The following NKAIN3 variants were observed in gnomAD, a reference collection of about 807,000 sequenced individuals.
NKAIN3 encodes the protein sodium/potassium transporting ATPase interacting 3.
In NKAIN3, 25 loss-of-function variants were observed where a neutral mutation model predicts 30.2. The ratio of observed to expected loss-of-function variants is 0.83; its 90% CI spans 0.60 to 1.16. The LOEUF is 1.16. Among genes scored for constraint, NKAIN3 ranks in the 50% most tolerant of loss-of-function variants. The pLI is 0.00. For missense variants in NKAIN3, 225 were observed against 254.1 expected (o/e 0.89, Z 0.78); for synonymous variants, 91 against 89.6 (o/e 1.02, Z -0.09).
chr8:62,612,322 T>C (rs1811320275), intron 3 of NKAIN3, among the ~76,000 whole-genome samples: 1 of 151,968 alleles, frequency 6.6e-6, no homozygotes, highest in Non-Finnish European at 1.5e-5. Context: ...TATTTAAAAT[T>C]GTTATATCCT....
intron 3 of NKAIN3, among the ~76,000 whole-genome samples, chr8:62,660,231 A>G (rs1291358923): frequency 2.0e-5 from 3 of 152,186 alleles, no homozygotes; most frequent in Non-Finnish European, 4.4e-5. Context: ...TGACCTTGGC[A>G]AACTACTTTC....
intron 4 of NKAIN3, among the ~76,000 whole-genome samples, chr8:62,836,430 G>A (rs1285337643): frequency 6.6e-6 from 1 of 151,848 alleles, no homozygotes; most frequent in African/African-American, 2.4e-5. Flanking sequence ...GATTTTGTAT[G>A]GTGTCCTGTG....
intron 1 of NKAIN3, among the ~76,000 whole-genome samples, chr8:62,433,966 T>G (rs1025104388): frequency 6.6e-6 from 1 of 152,080 alleles, no homozygotes; most frequent in Non-Finnish European, 1.5e-5. Flanking sequence ...TTATTAAGCA[T>G]TCACTAAGAG....
At chr8:62,794,649 C>T (rs1817803777) in intron 4 of NKAIN3, among the ~76,000 whole-genome samples, 1 of 152,164 alleles carries the variant, frequency 6.6e-6, no homozygotes, top group Non-Finnish European at 1.5e-5. Flanking sequence ...CTTTCCTCTC[C>T]ATCTCCTACA....
At chr8:62,745,451 T>C (rs912735373) in intron 3 of NKAIN3, among the ~76,000 whole-genome samples, 2 of 152,196 alleles carry the variant, frequency 1.3e-5, no homozygotes, top group African/African-American at 4.8e-5. Flanking sequence ...CAGAGCAGTG[T>C]CCTTGCCCGG....
rs1036267453 is a variant in NKAIN3 at position 62,970,362 on chromosome 8, C to A, written c.*4955C>A. ...TTTTTCATCTGAAAAAGCTTAGTTT[C>A]TTATTGAAGACTAAAAAGAAAAATG... On this transcript the variant is annotated 3_prime_UTR_variant, in exon 7 of 7. Coordinates refer to ENST00000623646, the MANE Select transcript of NKAIN3 (RefSeq NM_001304533.3). 1.3e-5 allele frequency among the ~76,000 whole-genome samples: 2 copies of A among 152,028 alleles called. No homozygotes were observed. Among genetic ancestry groups the A allele is most frequent in the African/African-American group, 4.8e-5 (2 of 41,408 alleles).
At chr8:62,508,127 G>A (rs886830939) in intron 1 of NKAIN3, among the ~76,000 whole-genome samples, 1 of 152,050 alleles carries the variant, frequency 6.6e-6, no homozygotes, top group African/African-American at 2.4e-5. Context: ...TTTGTGTGCC[G>A]GGCTGTGGAG....
At chr8:62,428,152 G>A (rs938637304) in intron 1 of NKAIN3, among the ~76,000 whole-genome samples, 1 of 151,796 alleles carries the variant, frequency 6.6e-6, no homozygotes, top group African/African-American at 2.4e-5. Context: ...TTTCATCCAT[G>A]TTGCTGCAAA....
At chr8:62,448,067 A>G (rs1381149465) in intron 1 of NKAIN3, among the ~76,000 whole-genome samples, 1 of 151,944 alleles carries the variant, frequency 6.6e-6, no homozygotes, top group African/African-American at 2.4e-5. Flanking sequence ...GTAGCCATTC[A>G]GTTAATAATT....
intron 1 of NKAIN3, among the ~76,000 whole-genome samples, chr8:62,577,100 G>T (rs1404117592): frequency 3.3e-5 from 5 of 152,008 alleles, no homozygotes; most frequent in Non-Finnish European, 7.4e-5. Context: ...CTCAAATCTA[G>T]TTTTCACAGT....
intron 4 of NKAIN3, among the ~76,000 whole-genome samples, chr8:62,849,661 G>T (rs2130771757): frequency 8.0e-6 from 1 of 124,662 alleles, no homozygotes. Flanking sequence ...GTGTCCATGT[G>T]TTCTCATTGT....
intron 4 of NKAIN3, among the ~76,000 whole-genome samples, chr8:62,840,293 T>C (rs769311003): frequency 6.6e-6 from 1 of 151,906 alleles, no homozygotes; most frequent in Non-Finnish European, 1.5e-5. Flanking sequence ...ACAATGCATA[T>C]ACCATTGTTC....
In NKAIN3 at chr8:62,521,844, G is replaced by T. The variant is rs114824961; in HGVS notation, c.55-57695G>T. 6.7e-3 allele frequency among the ~76,000 whole-genome samples: 1,020 copies of T among 152,252 alleles called. 12 individuals are homozygous for T. The highest frequency in any genetic ancestry group is 0.023 in the African/African-American group (964 of 41,552). On this transcript the variant is annotated intron_variant, in intron 1 of 6. Coordinates refer to ENST00000623646, the MANE Select transcript of NKAIN3 (RefSeq NM_001304533.3). ...TATCTTTTTTCCTGGATAAGATTTA[G>T]TTAAGTTTCCCCCTAAATTGTTTTA...
In NKAIN3 at chr8:62,506,476, C is replaced by CTTTTTTTTT. The variant is rs71255341; in HGVS notation, c.55-73055_55-73047dup. On this transcript the variant is annotated intron_variant, in intron 1 of 6. Coordinates refer to ENST00000623646, the MANE Select transcript of NKAIN3 (RefSeq NM_001304533.3). Reference sequence around the variant, plus strand: ...TCTGCTTTTTCTTTTTTCTTTCTTTCTTTTTTTTTTTTTTTTGAGACAGAG... The same window carrying CTTTTTTTTT: ...TCTGCTTTTTCTTTTTTCTTTCTTTCTTTTTTTTTTTTTTTTTTTTTTTTTGAGACAGAG... Among the ~76,000 whole-genome samples the CTTTTTTTTT allele has an allele frequency of 1.6e-3, 153 of 98,446 alleles. 4 individuals are homozygous for CTTTTTTTTT. Among genetic ancestry groups the CTTTTTTTTT allele is most frequent in the African/African-American group, 4.1e-3 (100 of 24,268 alleles). 64.6% of individuals were successfully genotyped at this position (98,446 alleles called of 152,430 possible). A position where few individuals can be genotyped will look rare whatever the true frequency, so the allele number is the denominator to read the frequency against.
At chr8:62,451,258 TCTC>T (rs1805631995) in intron 1 of NKAIN3, among the ~76,000 whole-genome samples, 4 of 151,284 alleles carry the variant, frequency 2.6e-5, no homozygotes, top group South Asian at 4.2e-4. Context: ...TCTCTTCTCT[TCTC>T]CTCTTCTCTT....
At chr8:62,363,986 G>A (rs1039656561) in intron 1 of NKAIN3, among the ~76,000 whole-genome samples, 4 of 152,220 alleles carry the variant, frequency 2.6e-5, no homozygotes, top group African/African-American at 7.2e-5. Context: ...GAAGGATGCA[G>A]TGTGCCATGC....
Position 62,918,770 on chromosome 8 carries a change from T to C in NKAIN3, c.532+257T>C, listed in dbSNP as rs1424881482. ...ACAAGGACTGCTGTCATATCATATA[T>C]TAGCAACTTTTCATCAGACACCTAA... On this transcript the variant is annotated intron_variant, in intron 5 of 6. Transcript: ENST00000623646. Among the ~76,000 whole-genome samples the C allele has an allele frequency of 2.6e-5, 4 of 152,140 alleles. No individual in the cohort carries two copies. The East Asian group carries it at 7.7e-4, about 29-fold the overall frequency.
intron 1 of NKAIN3, among the ~76,000 whole-genome samples, chr8:62,333,463 G>A (rs971737129): frequency 6.6e-6 from 1 of 152,026 alleles, no homozygotes; most frequent in Non-Finnish European, 1.5e-5. Context: ...AGGTGTACCA[G>A]GGGCTACTTA....
intron 1 of NKAIN3, among the ~76,000 whole-genome samples, chr8:62,272,841 A>T (rs1259029584): frequency 2.6e-5 from 4 of 152,276 alleles, no homozygotes; most frequent in Admixed American, 6.5e-5. Flanking sequence ...GATGGCATTA[A>T]TTTTTTTAAA....
Sources: allele counts gnomAD v4.1 joint callset (sites outside exome capture counted in the v4.1 genomes callset), GRCh38; gene constraint gnomAD v4.1.1; transcripts MANE v1.5; gene names NCBI Gene and HGNC (gene_info 2026-07-23, HGNC 2026-07-21).